The following ZCCHC4 variants were observed in gnomAD, a reference collection of about 807,000 sequenced individuals.
ZCCHC4 encodes zinc finger CCHC-type containing 4.
A neutral mutation model predicts 67.7 loss-of-function variants in ZCCHC4; 54 were observed. That is an observed-to-expected ratio of 0.80 (90% CI 0.64 to 1.00). The LOEUF (loss-of-function observed/expected upper bound fraction) is 1.00, where lower values mean the gene tolerates loss of function less well. ZCCHC4 is among the 50% of genes least tolerant of loss of function. ZCCHC4 has a pLI of 0.00. For synonymous variants in ZCCHC4, 198 were observed against 213.5 expected (o/e 0.93, Z 0.63); for missense variants, 609 against 617.0 (o/e 0.99, Z 0.14).
intron 5 of ZCCHC4, among the ~76,000 whole-genome samples, chr4:25,343,877 G>C (rs1719867976): frequency 6.6e-6 from 1 of 152,174 alleles, no homozygotes; most frequent in Non-Finnish European, 1.5e-5. Flanking sequence ...TAATAAGTAA[G>C]GATGTGTCTC....
At chr4:25,361,558 A>G (rs762480196) in intron 8 of ZCCHC4, among the ~76,000 whole-genome samples, 6 of 152,202 alleles carry the variant, frequency 3.9e-5, no homozygotes, top group Non-Finnish European at 7.3e-5. Context: ...TTACCTGCTA[A>G]TGCTGTACAT....
At chr4:25,323,944 C>T (rs1467168544) in intron 3 of ZCCHC4, among the ~76,000 whole-genome samples, 1 of 150,996 alleles carries the variant, frequency 6.6e-6, no homozygotes, top group African/African-American at 2.4e-5. Context: ...TGCTTTCTGT[C>T]ACTATAGATT....
At chr4:25,336,472 T>G (rs964693161) in intron 5 of ZCCHC4, among the ~76,000 whole-genome samples, 8 of 152,092 alleles carry the variant, frequency 5.3e-5, no homozygotes, top group Non-Finnish European at 1.2e-4. Flanking sequence ...TTATAATGTA[T>G]TATTAATAGG....
chr4:25,324,014 G>GTTTTTTTTTGTTTTTTTTTTTTTTT (rs1718724715), intron 3 of ZCCHC4, among the ~76,000 whole-genome samples: 1 of 82,448 alleles, frequency 1.2e-5, no homozygotes, highest in Admixed American at 1.7e-4. Context: ...TGTTTTTTGT[G>GTTTTTTTTTGTTTTTTTTTTTTTTT]TTTTTTTTTT....
At chr4:25,355,638 A>G (rs73254153) in intron 8 of ZCCHC4, among the ~76,000 whole-genome samples, 7,217 of 152,284 alleles carry the variant, frequency 0.047, 217 homozygotes, top group African/African-American at 0.093. Flanking sequence ...TTAGGACAGT[A>G]TGTTTTTCAA....
At chr4:25,324,318 A>G (rs1223913211) in intron 3 of ZCCHC4, among the ~76,000 whole-genome samples, 1 of 152,018 alleles carries the variant, frequency 6.6e-6, no homozygotes, top group Admixed American at 6.6e-5. Context: ...CCTGGCCAGT[A>G]TGTACTGTTT....
At chr4:25,333,161 T>G (rs1487280684) in intron 3 of ZCCHC4, 22 bp from the exon 4 acceptor site, 1 of 1,595,310 alleles carries the variant, frequency 6.3e-7, no homozygotes, top group Non-Finnish European at 8.5e-7. Context: ...TATATTTCTT[T>G]GTGTTTTATT....
At chr4:25,355,377 G>A (rs1195125794) in intron 8 of ZCCHC4, among the ~76,000 whole-genome samples, 2 of 152,198 alleles carry the variant, frequency 1.3e-5, no homozygotes, top group Non-Finnish European at 2.9e-5. Context: ...ATTTTCTGGA[G>A]AATTTGTTGA....
chr4:25,338,026 T>G (rs1719544406), intron 5 of ZCCHC4, among the ~76,000 whole-genome samples: 1 of 152,232 alleles, frequency 6.6e-6, no homozygotes, highest in African/African-American at 2.4e-5. Flanking sequence ...TTAAACCTTT[T>G]TTATGCATAT....
intron 12 of ZCCHC4, chr4:25,365,852 C>A: frequency 1.2e-5 from 12 of 985,250 alleles, no homozygotes; most frequent in Non-Finnish European, 1.4e-5. Flanking sequence ...GCTATTTTAA[C>A]CGAGCTAATT....
intron 3 of ZCCHC4, among the ~76,000 whole-genome samples, chr4:25,328,615 T>C (rs1261807457): frequency 4.6e-5 from 7 of 152,090 alleles, no homozygotes; most frequent in East Asian, 1.9e-4. Context: ...AGGATCTTGC[T>C]CTGTCACCCA....
chr4:25,349,468 G>T, intron 6 of ZCCHC4, 24 bp from the exon 7 acceptor site: 1 of 1,611,096 alleles, frequency 6.2e-7, no homozygotes, highest in East Asian at 2.2e-5. Flanking sequence ...TCCTAATTTA[G>T]AAATGAATTT....
At chr4:25,332,499 C>T (rs1015826286) in intron 3 of ZCCHC4, among the ~76,000 whole-genome samples, 3 of 151,852 alleles carry the variant, frequency 2.0e-5, no homozygotes, top group African/African-American at 7.3e-5. Context: ...ACATACTGAC[C>T]ATGATTATTT....
intron 3 of ZCCHC4, among the ~76,000 whole-genome samples, chr4:25,330,395 T>C (rs151199697): frequency 1.9e-4 from 29 of 152,360 alleles, no homozygotes; most frequent in Admixed American, 8.5e-4. Flanking sequence ...TGTTATATAC[T>C]GGATATTTTT....
In ZCCHC4 at chr4:25,315,357, C is replaced by G. The variant is rs192992705; in HGVS notation, c.286C>G (p.Arg96Gly). 1.9e-6 allele frequency: 3 copies of G among 1,612,756 alleles called. No individual in the cohort carries two copies. Among genetic ancestry groups the G allele is most frequent in the African/African-American group, 2.7e-5 (2 of 74,832 alleles). Reference sequence around the variant, plus strand: ...ACTTGCTGCCCGAGAAGCTCATAACCGAAGATGTCAGCCTCCCCTGTCCCG... The same window carrying G: ...ACTTGCTGCCCGAGAAGCTCATAACGGAAGATGTCAGCCTCCCCTGTCCCG... ...ARLAAREAHN[R>G]RCQPPLSRTQ... is the part of the protein sequence containing the mutation. The change falls in exon 3 of 13, where the codon CGA becomes GGA. Residue 96 changes from arginine to glycine, a missense_variant. By Grantham distance (125) the Arg-to-Gly change is moderately radical (BLOSUM62 -2). Transcript: ENST00000302874.
At chr4:25,340,089 C>A (rs1006561613) in intron 5 of ZCCHC4, among the ~76,000 whole-genome samples, 1 of 151,982 alleles carries the variant, frequency 6.6e-6, no homozygotes. Context: ...AGGATGGTCT[C>A]GATCTCCTGA....
At chr4:25,357,968 C>T (rs566220600) in intron 8 of ZCCHC4, among the ~76,000 whole-genome samples, 1 of 152,322 alleles carries the variant, frequency 6.6e-6, no homozygotes, top group African/African-American at 2.4e-5. Flanking sequence ...CCAGACACCA[C>T]ACTTTGAGAG....
At chr4:25,324,014 G>GTTTTTTTTTTTTTGTTTTTTTTTTTTTT (rs1718725666) in intron 3 of ZCCHC4, among the ~76,000 whole-genome samples, 1 of 82,440 alleles carries the variant, frequency 1.2e-5, no homozygotes, top group Admixed American at 1.7e-4. Context: ...TGTTTTTTGT[G>GTTTTTTTTTTTTTGTTTTTTTTTTTTTT]TTTTTTTTTT....
intron 3 of ZCCHC4, among the ~76,000 whole-genome samples, chr4:25,325,606 A>AT (rs1239679020): frequency 2.0e-5 from 3 of 152,136 alleles, no homozygotes; most frequent in African/African-American, 7.2e-5. Flanking sequence ...AAAGTTTAAA[A>AT]TTTTTTATTA....
Sources: gnomAD v4.1 joint callset for allele counts (sites outside exome capture counted in the v4.1 genomes callset) on GRCh38, gnomAD v4.1.1 for gene constraint, MANE v1.5 for transcripts, NCBI Gene and HGNC (gene_info 2026-07-23, HGNC 2026-07-21) for gene names.